C7orf78: variants seen among roughly 807,000 people sequenced by gnomAD.
C7orf78 encodes chromosome 7 open reading frame 78, also known as putative uncharacterized protein C7orf78.
chr7:12,537,259 G>A, the C7orf78 span, among the ~76,000 whole-genome samples: 1 of 152,218 alleles, frequency 6.6e-6, no homozygotes, highest in Non-Finnish European at 1.5e-5. Context: ...ATCTCACATG[G>A]CAGCAGACAA....
chr7:12,517,639 G>A, the C7orf78 span, among the ~76,000 whole-genome samples: 1 of 152,008 alleles, frequency 6.6e-6, no homozygotes, highest in Non-Finnish European at 1.5e-5. Context: ...TTCAAGTTCT[G>A]AGATTCTTTC....
At chr7:12,520,804 A>C in the C7orf78 span, among the ~76,000 whole-genome samples, 1 of 152,120 alleles carries the variant, frequency 6.6e-6, no homozygotes, top group Non-Finnish European at 1.5e-5. Flanking sequence ...AGTTCTGTTT[A>C]TTTCTAAAAG....
the C7orf78 span, among the ~76,000 whole-genome samples, chr7:12,536,305 G>A: frequency 2.0e-5 from 3 of 152,290 alleles, no homozygotes; most frequent in African/African-American, 7.2e-5. Flanking sequence ...CCATGTGGAA[G>A]TTGCCAAGGC....
chr7:12,518,694 G>A, the C7orf78 span, among the ~76,000 whole-genome samples: 1 of 152,148 alleles, frequency 6.6e-6, no homozygotes, highest in Admixed American at 6.5e-5. Context: ...TGGAGGTGTG[G>A]TGCCAATTTG....
chr7:12,533,636 C>A, the C7orf78 span, among the ~76,000 whole-genome samples: 2 of 151,964 alleles, frequency 1.3e-5, no homozygotes, highest in South Asian at 4.2e-4. Context: ...CCTGCCTCAG[C>A]CTCCAGAGTA....
chr7:12,486,199 T>C, the C7orf78 span, among the ~76,000 whole-genome samples: 34,042 of 151,968 alleles, frequency 0.22, 4,801 homozygotes, highest in East Asian at 0.52. Context: ...GATTCCAACA[T>C]AGCTTTCTCT....
the C7orf78 span, chr7:12,506,191 G>C: frequency 6.6e-6 from 1 of 152,202 alleles, no homozygotes; most frequent in African/African-American, 2.4e-5. Flanking sequence ...TACACTGTTG[G>C]TGGGAGTGTA....
At chr7:12,528,510 A>G in the C7orf78 span, among the ~76,000 whole-genome samples, 1 of 147,478 alleles carries the variant, frequency 6.8e-6, no homozygotes, top group South Asian at 2.2e-4. Flanking sequence ...ATTGAAATGG[A>G]AAATGTCAGC....
chr7:12,538,803 G>A, the C7orf78 span, among the ~76,000 whole-genome samples: 6 of 152,080 alleles, frequency 3.9e-5, no homozygotes, highest in East Asian at 1.9e-4. Flanking sequence ...TTTCCCTCAC[G>A]TTGCGAGCCA....
the C7orf78 span, chr7:12,541,502 C>T: frequency 4.6e-5 from 7 of 152,064 alleles, no homozygotes; most frequent in African/African-American, 1.7e-4. Context: ...AAATGGGGCA[C>T]TTTCCCAGAG....
the C7orf78 span, among the ~76,000 whole-genome samples, chr7:12,511,539 A>G: frequency 6.6e-6 from 1 of 152,020 alleles, no homozygotes; most frequent in Non-Finnish European, 1.5e-5. Flanking sequence ...GTCATCTACA[A>G]TTTCTTTCAT....
the C7orf78 span, among the ~76,000 whole-genome samples, chr7:12,495,619 TA>T: frequency 2.0e-5 from 3 of 152,332 alleles, no homozygotes; most frequent in South Asian, 6.2e-4. Flanking sequence ...TAGTTGATAT[TA>T]CTTATTTTTT....
the C7orf78 span, among the ~76,000 whole-genome samples, chr7:12,508,189 A>C: frequency 4.2e-4 from 64 of 152,214 alleles, no homozygotes; most frequent in African/African-American, 1.5e-3. Flanking sequence ...CATTCGGTAA[A>C]GTCTTGTGAC....
At chr7:12,500,911 C>G in the C7orf78 span, among the ~76,000 whole-genome samples, 1 of 148,220 alleles carries the variant, frequency 6.7e-6, no homozygotes, top group Non-Finnish European at 1.5e-5. Context: ...CCCTGGGATG[C>G]AAGGCTGGTT....
At chr7:12,528,417 T>G in the C7orf78 span, among the ~76,000 whole-genome samples, 804 of 150,556 alleles carry the variant, frequency 5.3e-3, 4 homozygotes, top group African/African-American at 0.018. Flanking sequence ...CATCTAGCTG[T>G]GTAATTGAAA....
At chr7:12,498,482 C>G in the C7orf78 span, among the ~76,000 whole-genome samples, 1 of 151,550 alleles carries the variant, frequency 6.6e-6, no homozygotes. Context: ...GAAAGGGTAT[C>G]AGCAATGGAA....
At chr7:12,532,661 T>C in the C7orf78 span, among the ~76,000 whole-genome samples, 1 of 152,180 alleles carries the variant, frequency 6.6e-6, no homozygotes, top group Admixed American at 6.5e-5. Context: ...TTTGCATTTG[T>C]GAAACACTTG....
At chr7:12,500,381 A>T in the C7orf78 span, among the ~76,000 whole-genome samples, 1 of 150,824 alleles carries the variant, frequency 6.6e-6, no homozygotes, top group Non-Finnish European at 1.5e-5. Context: ...GACGCAATAA[A>T]AAATGATAAA....
chr7:12,525,032 A>C, the C7orf78 span, among the ~76,000 whole-genome samples: 1 of 152,112 alleles, frequency 6.6e-6, no homozygotes, highest in Admixed American at 6.6e-5. Context: ...GGCTTTTTGA[A>C]ACGAACTTGG....
Sources: allele counts gnomAD v4.1 joint callset (sites outside exome capture counted in the v4.1 genomes callset), GRCh38; gene constraint gnomAD v4.1.1; transcripts MANE v1.5; gene names NCBI Gene and HGNC (gene_info 2026-07-23, HGNC 2026-07-21).